TTC13: variants seen among roughly 807,000 people sequenced by gnomAD.
TTC13 encodes the protein tetratricopeptide repeat protein 13.
Under a neutral mutation model 120.0 loss-of-function variants are expected in TTC13, and 62 were observed. The ratio of observed to expected loss-of-function variants is 0.52; its 90% confidence interval spans 0.42 to 0.64. The LOEUF (loss-of-function observed/expected upper bound fraction) is 0.64. Ranked by LOEUF, TTC13 falls within the 30% of genes least tolerant of loss-of-function variation. The pLI is 0.00. For missense variants in TTC13, 824 were observed against 1,050.2 expected (o/e 0.78, Z 2.98); for synonymous variants, 384 against 393.5 (o/e 0.98, Z 0.28).
chr1:230,945,384 C>T lies in TTC13; in HGVS notation c.579+5G>A. 6.2e-7 allele frequency: 1 copy of T among 1,613,138 alleles called. No individual in the cohort carries two copies. The highest frequency in any genetic ancestry group is 8.5e-7 in the Non-Finnish European group (1 of 1,179,066). Reference sequence around the variant, plus strand: ...CTATGGCAATCGTAACTATTACATACTCACATGTAGTCCCTTCTTTCCATA... The same window carrying T: ...CTATGGCAATCGTAACTATTACATATTCACATGTAGTCCCTTCTTTCCATA... On this transcript the variant is annotated splice_donor_5th_base_variant and intron_variant, in intron 5 of 22. Transcript: ENST00000366661.
At chr1:230,931,202 C>G in intron 11 of TTC13, 96 bp downstream of exon 11, 1 of 1,353,884 alleles carries the variant, frequency 7.4e-7, no homozygotes, top group South Asian at 1.4e-5. Context: ...CTCTTTCAGA[C>G]TCCACTGTTT....
In TTC13 at chr1:230,906,821, A is replaced by G. The variant is rs1205150009; in HGVS notation, c.*84T>C. On this transcript the variant is annotated 3_prime_UTR_variant, in exon 23 of 23. Coordinates refer to ENST00000366661, the MANE Select transcript of TTC13 (RefSeq NM_024525.5). ...TGGTATCAAAAGTAATAGAGGACCT[A>G]ATTTCTTTATAATTCCATGTTTTAA... 7.2e-6 allele frequency: 4 copies of G among 554,710 alleles called. No homozygotes were observed. The East Asian group carries it at 9.9e-5, about 14-fold the overall frequency. 34.4% of individuals were successfully genotyped at this position (554,710 alleles called of 1,614,324 possible).
At chr1:230,972,593 C>G (rs193277365) in intron 1 of TTC13, among the ~76,000 whole-genome samples, 1 of 152,184 alleles carries the variant, frequency 6.6e-6, no homozygotes, top group Non-Finnish European at 1.5e-5. Flanking sequence ...GCTAAACTGT[C>G]TGTACATTGA....
chr1:230,977,683 C>G (rs763151586), intron 1 of TTC13, among the ~76,000 whole-genome samples: 1 of 152,152 alleles, frequency 6.6e-6, no homozygotes, highest in Admixed American at 6.5e-5. Context: ...CGGTAGACCC[C>G]GGTCCTTCCC....
intron 1 of TTC13, among the ~76,000 whole-genome samples, chr1:230,964,414 C>T (rs1472238275): frequency 6.6e-6 from 1 of 152,148 alleles, no homozygotes; most frequent in Non-Finnish European, 1.5e-5. Flanking sequence ...AGGTCCATTT[C>T]CCTCCAGAGT....
intron 1 of TTC13, among the ~76,000 whole-genome samples, chr1:230,976,923 C>G (rs574320101): frequency 3.3e-4 from 50 of 152,242 alleles, no homozygotes; most frequent in African/African-American, 1.2e-3. Flanking sequence ...CGCTGGGGCT[C>G]CTTTAGCCAG....
At chr1:230,929,156 G>A (rs1572210163) in intron 11 of TTC13, 63 bp from the exon 12 acceptor site, 1 of 1,485,856 alleles carries the variant, frequency 6.7e-7, no homozygotes, top group South Asian at 1.2e-5. Flanking sequence ...CTTATGGCTA[G>A]CTGCCATACA....
intron 1 of TTC13, among the ~76,000 whole-genome samples, chr1:230,976,064 A>C (rs1678273986): frequency 1.3e-5 from 2 of 152,348 alleles, no homozygotes; most frequent in South Asian, 4.1e-4. Context: ...TGAACCTGAA[A>C]GCTGTGGGAA....
rs1316270412 is a variant in TTC13, at chr1:230,942,902, A to G, written c.672+904T>C. On this transcript the variant is annotated intron_variant, in intron 6 of 22. Coordinates refer to ENST00000366661, the MANE Select transcript of TTC13 (RefSeq NM_024525.5). This position sits in a 1 kb window ranked among gnomAD's most constrained non-coding sequence, Gnocchi z 4.0. ...TCCCAAAGAAGCGCCTCCTCTGTCT[A>G]CTTGAGCCAGTATTACATGGCATCT... Among the ~76,000 whole-genome samples the G allele has an allele frequency of 6.6e-6, 1 of 152,158 alleles. No individual in the cohort carries two copies. Among genetic ancestry groups the G allele is most frequent in the Non-Finnish European group, 1.5e-5 (1 of 68,038 alleles).
At chr1:230,972,746 A>C (rs189399674) in intron 1 of TTC13, among the ~76,000 whole-genome samples, 1 of 152,348 alleles carries the variant, frequency 6.6e-6, no homozygotes, top group Non-Finnish European at 1.5e-5. Context: ...CAGGTTTAGC[A>C]GTATGTAGAT....
At chr1:230,936,196 C>A (rs1029131019) in intron 8 of TTC13, 2 of 456,228 alleles carry the variant, frequency 4.4e-6, no homozygotes, top group Admixed American at 4.7e-5. Context: ...AGTCTGATTT[C>A]TCTTCAGCTT....
intron 22 of TTC13, 109 bp downstream of exon 22, chr1:230,908,603 T>C: frequency 1.3e-6 from 1 of 796,618 alleles, no homozygotes. Context: ...TATTAACTTA[T>C]AAAAATGAGT....
intron 1 of TTC13, among the ~76,000 whole-genome samples, chr1:230,971,601 AG>A (rs1366743514): frequency 2.0e-5 from 3 of 152,248 alleles, no homozygotes; most frequent in Non-Finnish European, 4.4e-5. Context: ...ATTAATCCAT[AG>A]GAACTAAGGA....
intron 1 of TTC13, among the ~76,000 whole-genome samples, chr1:230,968,470 T>C (rs890249335): frequency 6.6e-6 from 1 of 152,138 alleles, no homozygotes; most frequent in Non-Finnish European, 1.5e-5. Flanking sequence ...CTAGTTCATT[T>C]ATTCCCTTTC....
chr1:230,923,845 T>C lies in TTC13; in HGVS notation c.1810A>G (p.Ile604Val). ...SRGFNNHINLIRGQVINMRYL... is the reference protein window; with the variant it reads ...SRGFNNHINLVRGQVINMRYL... The stretch of plus-strand genomic sequence containing the variant: ...AGATGCACAAAAGGTTCGTACCTGA[T>C]TAAATTAATGTGGTTGTTAAAACCT... The change falls in exon 15 of 23, where the codon ATC (isoleucine) becomes GTC (valine). Residue 604 changes from isoleucine to valine, a missense_variant. Transcript: ENST00000366661. 5 of 1,612,972 alleles carry C rather than the reference T, an allele frequency of 3.1e-6. No individual in the cohort carries two copies. The highest frequency in any genetic ancestry group is 4.2e-6 in the Non-Finnish European group (5 of 1,179,198).
Position 230,978,265 on chromosome 1 carries a change from C to T in TTC13, c.271+295G>A, listed in dbSNP as rs1678565290. Among the ~76,000 whole-genome samples, 1 of 152,180 alleles carries T rather than the reference C, an allele frequency of 6.6e-6. No individual in the cohort carries two copies. Among genetic ancestry groups the T allele is most frequent in the Non-Finnish European group, 1.5e-5 (1 of 68,034 alleles). On this transcript the variant is annotated intron_variant, in intron 1 of 22. Coordinates refer to ENST00000366661, the MANE Select transcript of TTC13 (RefSeq NM_024525.5). The surrounding 1 kb of genome is among the most constrained non-coding windows in gnomAD (Gnocchi z 5.6). ...GGGCCACCTGCCATCTCCTCCGCCACCCTTCCAACAGTTGCTTCAGACTCA... is the reference window on the plus strand; with the variant it reads ...GGGCCACCTGCCATCTCCTCCGCCATCCTTCCAACAGTTGCTTCAGACTCA...
At chr1:230,931,241 A>T (rs370911896) in intron 11 of TTC13, 57 bp downstream of exon 11, 14 of 1,568,186 alleles carry the variant, frequency 8.9e-6, no homozygotes, top group East Asian at 6.7e-5. Context: ...GTCAAGCAAT[A>T]TGATTTCTAC....
Position 230,924,949 on chromosome 1 carries a change from A to G in TTC13, c.1613T>C (p.Val538Ala). The G allele has an allele frequency of 6.2e-7, 1 of 1,614,112 alleles. No homozygotes were observed. The change falls in exon 14 of 23, where the codon GTC (valine) becomes GCC (alanine). Residue 538 changes from valine to alanine, a missense_variant. Val to Ala is a moderately conservative substitution (Grantham distance 64, BLOSUM62 0). This residue lies in a region of TTC13 where 430 missense variants were observed against 626.8 expected (regional missense o/e 0.69). Transcript: ENST00000366661. ...CCATGTACGCTGCACGGCTTGCATGACCTCCAATGCGGCCAAACCCATAGC... is the reference window on the plus strand; with the variant it reads ...CCATGTACGCTGCACGGCTTGCATGGCCTCCAATGCGGCCAAACCCATAGC... ...HRAMGLAALE[V>A]MQAVQRTWTN...
At chr1:230,931,271 C>T (rs1202994940) in intron 11 of TTC13, 27 bp downstream of exon 11, 1 of 1,606,456 alleles carries the variant, frequency 6.2e-7, no homozygotes, top group Non-Finnish European at 8.5e-7. Flanking sequence ...CATGAAAATC[C>T]AACAATTCTG....
Sources: allele counts gnomAD v4.1 joint callset (sites outside exome capture counted in the v4.1 genomes callset), GRCh38; gene constraint gnomAD v4.1.1; regional missense constraint gnomAD v4.1.1; non-coding constraint Gnocchi (gnomAD v3.1); transcripts MANE v1.5; gene names NCBI Gene and HGNC (gene_info 2026-07-23, HGNC 2026-07-21).